Variants in PTPN2 observed in about 807,000 individuals in gnomAD.
The protein encoded by PTPN2 is tyrosine-protein phosphatase non-receptor type 2.
Under a neutral mutation model 57.3 loss-of-function variants are expected in PTPN2, and 19 were observed. That is an observed-to-expected ratio of 0.33 (90% CI 0.23 to 0.49). PTPN2 has a LOEUF of 0.49. PTPN2 is among the 20% of genes least tolerant of loss of function. The pLI, the probability that PTPN2 is intolerant of heterozygous loss-of-function variation, is 0.99. For missense variants in PTPN2, 358 were observed against 501.1 expected (o/e 0.71, Z 2.73); for synonymous variants, 153 against 164.9 (o/e 0.93, Z 0.55).
intron 2 of PTPN2, among the ~76,000 whole-genome samples, chr18:12,844,359 A>G (rs1023425145): frequency 4.6e-5 from 7 of 152,222 alleles, no homozygotes; most frequent in African/African-American, 1.7e-4. Flanking sequence ...AGAAACTGCC[A>G]AACTATTTTC....
intron 8 of PTPN2, 132 bp from the exon 9 acceptor site, chr18:12,794,617 G>A: frequency 8.9e-7 from 1 of 1,126,002 alleles, no homozygotes; most frequent in Non-Finnish European, 1.2e-6. Flanking sequence ...GAATAATGAG[G>A]GGAAAAGCCT....
At chr18:12,802,647 T>A (rs941577313) in intron 7 of PTPN2, among the ~76,000 whole-genome samples, 6 of 152,212 alleles carry the variant, frequency 3.9e-5, no homozygotes, top group Non-Finnish European at 5.9e-5. Flanking sequence ...TAAGGGAACC[T>A]GGCAGGTTGC....
At chr18:12,842,457 G>A (rs377408528) in intron 2 of PTPN2, among the ~76,000 whole-genome samples, 5 of 152,272 alleles carry the variant, frequency 3.3e-5, no homozygotes, top group Admixed American at 1.3e-4. Context: ...CTGGGGAGAG[G>A]GGCAGGTTGC....
intron 7 of PTPN2, among the ~76,000 whole-genome samples, chr18:12,807,573 A>AGG (rs1568092804): frequency 3.7e-5 from 2 of 53,914 alleles, no homozygotes; most frequent in African/African-American, 1.0e-4. Flanking sequence ...ATGTGGAAAA[A>AGG]AAAAAAAAAA....
At chr18:12,878,250 G>A (rs187256629) in intron 1 of PTPN2, among the ~76,000 whole-genome samples, 5 of 151,694 alleles carry the variant, frequency 3.3e-5, no homozygotes, top group African/African-American at 7.3e-5. Context: ...CCAAGAGGTC[G>A]AGACTGCAGT....
At chr18:12,844,732 G>A (rs1489968451) in intron 2 of PTPN2, among the ~76,000 whole-genome samples, 1 of 152,072 alleles carries the variant, frequency 6.6e-6, no homozygotes, top group Non-Finnish European at 1.5e-5. Context: ...GGTGTTTTGA[G>A]GAGCAGAAGT....
At chr18:12,829,716 T>C (rs73404453) in intron 4 of PTPN2, among the ~76,000 whole-genome samples, 16,723 of 152,182 alleles carry the variant, frequency 0.11, 1,071 homozygotes, top group Non-Finnish European at 0.15. Context: ...ATGACCTCAA[T>C]AGGGAATCAA....
rs75932609 is a variant in PTPN2 at position 12,858,723 on chromosome 18, C to T, written c.160+441G>A. Among the ~76,000 whole-genome samples the T allele has an allele frequency of 5.2e-3, 796 of 152,242 alleles. 2 individuals are homozygous for T. The highest frequency in any genetic ancestry group is 9.3e-3 in the Non-Finnish European group (632 of 68,008). On this transcript the variant is annotated intron_variant, in intron 2 of 8. Transcript: ENST00000309660. ...AAATAAGTTTGTTCCTTATACTCTT[C>T]TCTGTTTTCTAAGTTTTCTACAGCG...
Position 12,815,464 on chromosome 18 carries a change from G to A in PTPN2, c.706-1109C>T, listed in dbSNP as rs891431641. On this transcript the variant is annotated intron_variant, in intron 6 of 8. Transcript: ENST00000309660. ...TAATAAAATAAAATGAAGAAAGACG[G>A]TGGAAAAGACAGCAAAAGCCCAGAT... Among the ~76,000 whole-genome samples the A allele has an allele frequency of 3.8e-4, 58 of 151,984 alleles. 1 individual carries two copies. Among genetic ancestry groups the A allele is most frequent in the Middle Eastern group, 6.8e-3 (2 of 294 alleles).
chr18:12,795,398 A>C (rs968628241), intron 8 of PTPN2, among the ~76,000 whole-genome samples: 27 of 152,134 alleles, frequency 1.8e-4, no homozygotes, highest in Admixed American at 1.2e-3. Context: ...GGTTCAAGCA[A>C]TTCTTCTGCC....
chr18:12,868,626 T>C (rs1397756051), intron 1 of PTPN2, among the ~76,000 whole-genome samples: 1 of 151,534 alleles, frequency 6.6e-6, no homozygotes, highest in Non-Finnish European at 1.5e-5. Context: ...CTAACAACTC[T>C]TTCTTTTTAA....
At chr18:12,797,942 T>C (rs1598734941) in intron 8 of PTPN2, among the ~76,000 whole-genome samples, 1 of 152,118 alleles carries the variant, frequency 6.6e-6, no homozygotes, top group South Asian at 2.1e-4. Context: ...CGCAGGCTGG[T>C]CTTGAACTGC....
At position 12,854,369 on chromosome 18, in the gene PTPN2, A is replaced by AAG. The variant is rs1555675743; in HGVS notation, c.160+4794_160+4795insCT. Among the ~76,000 whole-genome samples the AAG allele has an allele frequency of 4.2e-3, 633 of 151,452 alleles. 9 individuals carry two copies. The highest frequency in any genetic ancestry group is 0.014 in the African/African-American group (592 of 41,252). ...AGCCAGACCCTGTCTTGAAAAAAAA[A>AAG]AAAAAAGAAAAAAGAAAAAGAAATA... On this transcript the variant is annotated intron_variant, in intron 2 of 8. Transcript: ENST00000309660.
At position 12,793,351 on chromosome 18, in the gene PTPN2, G is replaced by A. The variant is rs1598725692; in HGVS notation, c.*927C>T. On this transcript the variant is annotated 3_prime_UTR_variant, in exon 9 of 9. Coordinates refer to ENST00000309660, the MANE Select transcript of PTPN2 (RefSeq NM_002828.4). ...AAACTGAAATTATGAATCATAAAAT[G>A]CTGCTTCTTACTTTTGCTTCCTAAA... is the stretch of plus-strand genomic sequence containing the variant. The A allele has an allele frequency of 2.0e-6, 2 of 976,644 alleles. No homozygotes were observed. The highest frequency in any genetic ancestry group is 2.4e-6 in the Non-Finnish European group (2 of 821,488). 60.5% of individuals were successfully genotyped at this position (976,644 alleles called of 1,614,324 possible).
chr18:12,852,049 G>A (rs541939819), intron 2 of PTPN2, among the ~76,000 whole-genome samples: 1 of 152,160 alleles, frequency 6.6e-6, no homozygotes, highest in South Asian at 2.1e-4. Flanking sequence ...TGGGGGAAGA[G>A]GAAGATAGGG....
chr18:12,855,016 T>C (rs914890327), intron 2 of PTPN2, among the ~76,000 whole-genome samples: 2 of 152,180 alleles, frequency 1.3e-5, no homozygotes, highest in Non-Finnish European at 2.9e-5. Context: ...CCAGGCGTCA[T>C]GGCTCGTGCC....
At chr18:12,883,034 A>T (rs146922096) in intron 1 of PTPN2, among the ~76,000 whole-genome samples, 2 of 152,366 alleles carry the variant, frequency 1.3e-5, no homozygotes, top group African/African-American at 4.8e-5. Context: ...AAAAAAAGCG[A>T]ATCACAGGTG....
chr18:12,822,977 T>C (rs900188926), intron 5 of PTPN2, among the ~76,000 whole-genome samples: 5 of 152,188 alleles, frequency 3.3e-5, no homozygotes, highest in African/African-American at 1.2e-4. Context: ...GTTTATCATC[T>C]ATAGTAAAGT....
chr18:12,808,849 A>T (rs771114540), intron 7 of PTPN2, among the ~76,000 whole-genome samples: 1 of 152,180 alleles, frequency 6.6e-6, no homozygotes, highest in African/African-American at 2.4e-5. Context: ...AAACACAAAA[A>T]TTTTTAAAAA....
Sources: allele counts gnomAD v4.1 joint callset (sites outside exome capture counted in the v4.1 genomes callset), GRCh38; gene constraint gnomAD v4.1.1; transcripts MANE v1.5; gene names NCBI Gene and HGNC (gene_info 2026-07-23, HGNC 2026-07-21).